SYNE2: variants seen among roughly 807,000 people sequenced by gnomAD.
The protein encoded by SYNE2 is nesprin-2.
A neutral mutation model predicts 856.3 loss-of-function variants in SYNE2; 431 were observed. The observed-to-expected ratio is 0.50, with a 90% confidence interval of 0.47 to 0.55. The LOEUF is 0.55. Among genes scored for constraint, SYNE2 ranks in the 20% least tolerant of loss-of-function variants. The pLI is 0.00. For missense variants in SYNE2, 8,129 were observed against 8,023.2 expected, an observed-to-expected ratio of 1.01 and a Z score of -0.50; for synonymous variants, 2,923 against 2,872.3, an observed-to-expected ratio of 1.02 and a Z score of -0.56.
chr14:63,986,695 T>G lies in SYNE2; in HGVS notation c.2313+78T>G. 2.8e-6 allele frequency: 4 copies of G among 1,403,736 alleles called. No homozygotes were observed. The South Asian group carries it at 4.7e-5, about 16-fold the overall frequency. 87.0% of individuals were successfully genotyped at this position (1,403,736 alleles called of 1,614,324 possible). Reference sequence around the variant, plus strand: ...TTAAGTTAAATAAGAAGTTTTAAAGTAAGTAGTAATAAGCCTACAGTTTTA... The same window carrying G: ...TTAAGTTAAATAAGAAGTTTTAAAGGAAGTAGTAATAAGCCTACAGTTTTA... On this transcript the variant is annotated intron_variant, in intron 19 of 115. Coordinates refer to ENST00000555002, the MANE Select transcript of SYNE2 (RefSeq NM_182914.3).
chr14:63,851,161 G>C (rs1890416289), upstream of SYNE2, among the ~76,000 whole-genome samples: 1 of 152,178 alleles, frequency 6.6e-6, no homozygotes, highest in Non-Finnish European at 1.5e-5. Context: ...AGGAGTTCAA[G>C]ACCAGCCTGG....
intron 45 of SYNE2, among the ~76,000 whole-genome samples, chr14:64,037,791 C>G (rs1178054355): frequency 7.2e-6 from 1 of 139,424 alleles, no homozygotes; most frequent in East Asian, 2.3e-4. Context: ...TAGGGGCGGC[C>G]GGGCAGAGGC....
At position 64,152,712 on chromosome 14, in the gene SYNE2, C is replaced by G; in HGVS notation, c.15788C>G (p.Thr5263Ser). The change falls in exon 85 of 116, where the codon ACT (threonine) becomes AGT (serine). Residue 5263 changes from threonine to serine, a missense_variant. Thr to Ser is a moderately conservative substitution (Grantham distance 58). This residue lies in a region of SYNE2 where 5,410 missense variants were observed against 5,284.8 expected (regional missense o/e 1.02). Transcript: ENST00000555002. ...ELFQKRSSVL[T>S]QVNQLKTSMQ... ...TTTCAAAAGAGAAGCAGTGTTCTCA[C>G]TCAGGTACTAGAATTCATTTGAAAT... The G allele has an allele frequency of 1.9e-6, 3 of 1,614,062 alleles. No individual in the cohort carries two copies. The highest frequency in any genetic ancestry group is 2.5e-6 in the Non-Finnish European group (3 of 1,179,962).
chr14:64,056,688 G>A (rs763993298), intron 49 of SYNE2, among the ~76,000 whole-genome samples: 1 of 125,822 alleles, frequency 7.9e-6, no homozygotes, highest in Non-Finnish European at 1.7e-5. Flanking sequence ...TTTTTTTTTT[G>A]AGACAAAGTT....
At chr14:64,179,255 G>C (rs1439836868) in intron 96 of SYNE2, among the ~76,000 whole-genome samples, 1 of 152,102 alleles carries the variant, frequency 6.6e-6, no homozygotes, top group East Asian at 1.9e-4. Flanking sequence ...TCGTGCCTCA[G>C]CCTCCCAAGT....
chr14:64,192,541 G>A (rs1461560578), intron 99 of SYNE2, among the ~76,000 whole-genome samples: 1 of 152,096 alleles, frequency 6.6e-6, no homozygotes, highest in Non-Finnish European at 1.5e-5. Flanking sequence ...TGATCTTTTT[G>A]GAAAGAACAG....
intron 8 of SYNE2, among the ~76,000 whole-genome samples, chr14:63,960,091 G>A (rs971971044): frequency 2.6e-5 from 4 of 152,056 alleles, no homozygotes; most frequent in East Asian, 3.9e-4. Context: ...GTGTGGCTTC[G>A]TATATAATAA....
chr14:63,889,067 A>G (rs1311514725), intron 1 of SYNE2, among the ~76,000 whole-genome samples: 1 of 149,626 alleles, frequency 6.7e-6, no homozygotes, highest in African/African-American at 2.4e-5. Context: ...AAAAAAAAAA[A>G]AAAAAGGGTA....
intron 1 of SYNE2, among the ~76,000 whole-genome samples, chr14:63,855,678 C>G (rs935932205): frequency 6.6e-6 from 1 of 152,182 alleles, no homozygotes; most frequent in African/African-American, 2.4e-5. Context: ...CCCATTCCTC[C>G]TTTCATAAGT....
At position 64,128,489 on chromosome 14, in the gene SYNE2, G is replaced by A. The variant is rs374141460; in HGVS notation, c.13955G>A (p.Ser4652Asn). 1.2e-6 allele frequency: 2 copies of A among 1,607,308 alleles called. No homozygotes were observed. Among genetic ancestry groups the A allele is most frequent in the Non-Finnish European group, 1.7e-6 (2 of 1,173,772 alleles). The change falls in exon 74 of 116, where the codon AGT becomes AAT. Residue 4652 changes from serine to asparagine, a missense_variant. Ser to Asn is a conservative substitution (Grantham distance 46, BLOSUM62 1). Transcript: ENST00000555002. ...AGATTATATCATCAGCTCATTAAGA[G>A]TAAGACATCTTTACAACAGTCTTTG... ...IKRLYHQLIK[S>N]KTSLQQSLNE...
intron 1 of SYNE2, among the ~76,000 whole-genome samples, chr14:63,769,524 T>G (rs1467779485): frequency 6.6e-5 from 10 of 151,856 alleles, no homozygotes; most frequent in African/African-American, 2.4e-4. Context: ...AAAAATTAGC[T>G]GGGCGTGGTG....
chr14:63,948,880 A>G (rs1459453527), intron 6 of SYNE2, among the ~76,000 whole-genome samples: 1 of 147,820 alleles, frequency 6.8e-6, no homozygotes, highest in African/African-American at 2.5e-5. Context: ...GCTGCTGACT[A>G]GAATTTCAGT....
Position 64,051,674 on chromosome 14 carries a change from C to T in SYNE2, c.7761C>T (p.His2587=), listed in dbSNP as rs2097228199. 4 of 1,614,182 alleles carry T rather than the reference C, an allele frequency of 2.5e-6. No individual in the cohort carries two copies. Among genetic ancestry groups the T allele is most frequent in the Non-Finnish European group, 3.4e-6 (4 of 1,180,028 alleles). The change falls in exon 48 of 116, where the codon CAC becomes CAT. Residue 2587 remains histidine, a synonymous_variant. Coordinates refer to ENST00000555002, the MANE Select transcript of SYNE2 (RefSeq NM_182914.3). ...TCAAATGGGAGAATTTATCAAACCA[C>T]GTGACTGACATGGATAAGAAATTGT... ...LKIKWENLSN[H]VTDMDKKLLE... is the part of the protein sequence containing the mutation.
intron 96 of SYNE2, among the ~76,000 whole-genome samples, chr14:64,180,203 CT>C (rs2098451721): frequency 6.6e-6 from 1 of 152,156 alleles, no homozygotes; most frequent in African/African-American, 2.4e-5. Context: ...TGTATGTCAG[CT>C]TTAATATCAA....
At chr14:64,204,327 A>G (rs2098595015) in intron 100 of SYNE2, 1 of 152,216 alleles carries the variant, frequency 6.6e-6, no homozygotes, top group South Asian at 2.1e-4. Context: ...ATCCACTAGG[A>G]TGAATGTCTT....
At chr14:64,165,134 AC>A (rs2098366064) in intron 89 of SYNE2, 150 bp from the exon 90 acceptor site, 1 of 714,998 alleles carries the variant, frequency 1.4e-6, no homozygotes, top group African/African-American at 1.8e-5. Context: ...CAATCTTCCC[AC>A]CTCGGCCTCC....
chr14:63,798,436 C>T (rs1476634853), intron 1 of SYNE2, among the ~76,000 whole-genome samples: 1 of 150,682 alleles, frequency 6.6e-6, no homozygotes, highest in Non-Finnish European at 1.5e-5. Flanking sequence ...TCCTGTCTCC[C>T]AGGCTGGAAT....
chr14:63,847,296 A>AATG (rs1474742264), intron 1 of SYNE2, among the ~76,000 whole-genome samples: 1 of 151,400 alleles, frequency 6.6e-6, no homozygotes, highest in South Asian at 2.1e-4. Flanking sequence ...TAATAATAAT[A>AATG]ATAATAAATT....
intron 112 of SYNE2, 97 bp from the exon 113 acceptor site, chr14:64,223,092 C>A: frequency 1.6e-6 from 2 of 1,281,436 alleles, no homozygotes; most frequent in Non-Finnish European, 2.3e-6. Flanking sequence ...ACCCATCATT[C>A]ATTCTGGAAT....
Sources: gnomAD v4.1 joint callset for allele counts (sites outside exome capture counted in the v4.1 genomes callset) on GRCh38, gnomAD v4.1.1 for gene constraint, gnomAD v4.1.1 regional missense constraint, MANE v1.5 for transcripts, NCBI Gene and HGNC (gene_info 2026-07-23, HGNC 2026-07-21) for gene names.